The following NAF1 variants were observed in gnomAD, a reference collection of about 807,000 sequenced individuals.
NAF1 encodes the protein H/ACA ribonucleoprotein complex non-core subunit NAF1.
A neutral mutation model predicts 40.6 loss-of-function variants in NAF1; 11 were observed. That is an observed-to-expected ratio of 0.27 (90% CI 0.17 to 0.45). The LOEUF (loss-of-function observed/expected upper bound fraction) is 0.45. NAF1 is among the 20% of genes least tolerant of loss of function. NAF1 has a pLI of 1.00. For missense variants in NAF1, 607 were observed against 611.1 expected (o/e 0.99, Z 0.07); for synonymous variants, 260 against 228.5 (o/e 1.14, Z -1.24).
chr4:163,161,293 C>CAA (rs1459368647), intron 2 of NAF1, among the ~76,000 whole-genome samples: 2 of 152,050 alleles, frequency 1.3e-5, no homozygotes, highest in African/African-American at 4.8e-5. Flanking sequence ...GCCAACATGG[C>CAA]AAAACCCTGT....
intron 5 of NAF1, 108 bp from the exon 6 acceptor site, chr4:163,137,358 T>G: frequency 2.5e-6 from 3 of 1,204,288 alleles, no homozygotes; most frequent in Non-Finnish European, 3.4e-6. Context: ...GAGTTCAACC[T>G]TTAATTTTGC....
chr4:163,134,191 A>G (rs1471915215), intron 6 of NAF1, among the ~76,000 whole-genome samples: 1 of 152,164 alleles, frequency 6.6e-6, no homozygotes, highest in Non-Finnish European at 1.5e-5. Context: ...CTATTAATTT[A>G]TTATTCTATT....
intron 5 of NAF1, among the ~76,000 whole-genome samples, chr4:163,137,553 C>T (rs1458867760): frequency 6.6e-6 from 1 of 152,050 alleles, no homozygotes; most frequent in East Asian, 1.9e-4. Flanking sequence ...TTGCAGTTTT[C>T]ACAAAACTCA....
intron 2 of NAF1, among the ~76,000 whole-genome samples, chr4:163,162,719 GAATT>G (rs1440862026): frequency 2.0e-5 from 3 of 152,126 alleles, no homozygotes; most frequent in Non-Finnish European, 4.4e-5. Context: ...ATTTCTTAAA[GAATT>G]AATAAATATA....
intron 4 of NAF1, among the ~76,000 whole-genome samples, chr4:163,140,913 T>A (rs1463549121): frequency 6.6e-6 from 1 of 152,238 alleles, no homozygotes; most frequent in Non-Finnish European, 1.5e-5. Flanking sequence ...AAGTTATTTA[T>A]GTTTAAAAAA....
chr4:163,141,837 C>T (rs17574986), intron 4 of NAF1: 47,490 of 557,948 alleles, frequency 0.085, 2,251 homozygotes, highest in Non-Finnish European at 0.095. Context: ...ATCCTCAGTT[C>T]TTGATTTTTG....
chr4:163,162,342 G>A (rs1302272608), intron 2 of NAF1, among the ~76,000 whole-genome samples: 1 of 152,102 alleles, frequency 6.6e-6, no homozygotes, highest in African/African-American at 2.4e-5. Context: ...AGAGATTTAG[G>A]GCAGACTGGG....
At chr4:163,156,451 A>G (rs923574230) in intron 2 of NAF1, among the ~76,000 whole-genome samples, 2 of 150,822 alleles carry the variant, frequency 1.3e-5, no homozygotes, top group African/African-American at 4.9e-5. Flanking sequence ...GTAGATAGGA[A>G]AGACTTTTTG....
At chr4:163,127,951 G>A (rs973281689), downstream of NAF1, among the ~76,000 whole-genome samples, 1 of 152,184 alleles carries the variant, frequency 6.6e-6, no homozygotes, top group Non-Finnish European at 1.5e-5. Flanking sequence ...CACTAGCTGA[G>A]TGATCTTAGT....
chr4:163,115,555 A>AT (rs998994422), intron 2 of NAF1, among the ~76,000 whole-genome samples: 28 of 151,828 alleles, frequency 1.8e-4, no homozygotes, highest in African/African-American at 6.5e-4. Flanking sequence ...GTTTCTATTT[A>AT]TTTTTTGCCA....
chr4:163,150,545 T>C (rs1326326696), intron 2 of NAF1, among the ~76,000 whole-genome samples: 1 of 152,060 alleles, frequency 6.6e-6, no homozygotes, highest in African/African-American at 2.4e-5. Flanking sequence ...AAAACATATA[T>C]CTAATTTTAC....
intron 3 of NAF1, among the ~76,000 whole-genome samples, chr4:163,147,206 T>C (rs1278136419): frequency 6.6e-6 from 1 of 152,208 alleles, no homozygotes; most frequent in Non-Finnish European, 1.5e-5. Context: ...TACAAAATTA[T>C]GTAAGTGTTA....
At chr4:163,130,125 A>T (rs772172533) in intron 7 of NAF1, among the ~76,000 whole-genome samples, 1 of 152,056 alleles carries the variant, frequency 6.6e-6, no homozygotes, top group Non-Finnish European at 1.5e-5. Flanking sequence ...ATCACAACAA[A>T]CCCAGCTAAA....
At chr4:163,119,190 T>C (rs2110831611) in intron 2 of NAF1, among the ~76,000 whole-genome samples, 1 of 152,338 alleles carries the variant, frequency 6.6e-6, no homozygotes, top group East Asian at 1.9e-4. Flanking sequence ...ATGGGCATTT[T>C]TTAACTATTT....
intron 2 of NAF1, among the ~76,000 whole-genome samples, chr4:163,155,044 T>C (rs1731920993): frequency 6.6e-6 from 1 of 152,176 alleles, no homozygotes; most frequent in Admixed American, 6.5e-5. Flanking sequence ...CTCTGAAAGG[T>C]ACAAAAAGCG....
chr4:163,133,165 A>T lies in NAF1; in HGVS notation c.1022T>A (p.Phe341Tyr). The T allele has an allele frequency of 6.2e-7, 1 of 1,613,390 alleles. No homozygotes were observed. The highest frequency in any genetic ancestry group is 8.5e-7 in the Non-Finnish European group (1 of 1,179,480). ...TTGTATTCACTCACCAGGCTCATTA[A>T]ATTCAGATTTGAGTTTTTTCCGGCC... ...IQGRKKLKSE[F>Y]NEPGEDFTEV... The change falls in exon 7 of 8, where the codon TTT becomes TAT. Residue 341 changes from phenylalanine to tyrosine, a missense_variant. Transcript: ENST00000274054.
downstream of NAF1, among the ~76,000 whole-genome samples, chr4:163,121,735 A>T (rs943767487): frequency 6.6e-6 from 1 of 152,218 alleles, no homozygotes; most frequent in South Asian, 2.1e-4. Flanking sequence ...TAGCACTTAT[A>T]GAAGTACATG....
intron 2 of NAF1, among the ~76,000 whole-genome samples, chr4:163,149,799 A>G (rs181294846): frequency 6.6e-6 from 1 of 152,300 alleles, no homozygotes; most frequent in East Asian, 1.9e-4. Context: ...GACATTAAAT[A>G]GCCTTTTTAC....
intron 2 of NAF1, among the ~76,000 whole-genome samples, chr4:163,120,534 A>G (rs906812195): frequency 6.6e-6 from 1 of 152,220 alleles, no homozygotes. Flanking sequence ...AAGATATGCA[A>G]TGTAAAATTT....
Sources: allele counts gnomAD v4.1 joint callset (sites outside exome capture counted in the v4.1 genomes callset), GRCh38; gene constraint gnomAD v4.1.1; transcripts MANE v1.5; gene names NCBI Gene and HGNC (gene_info 2026-07-23, HGNC 2026-07-21).